PDE10A: variants seen among roughly 807,000 people sequenced by gnomAD.
PDE10A encodes cAMP and cAMP-inhibited cGMP 3',5'-cyclic phosphodiesterase 10A.
In PDE10A, 39 loss-of-function variants were observed where a neutral mutation model predicts 97.7. The observed-to-expected ratio is 0.40, with a 90% CI of 0.31 to 0.52. The LOEUF is 0.52. Among genes scored for constraint, PDE10A ranks in the 20% least tolerant of loss-of-function variants. The pLI is 0.56. For missense variants in PDE10A, 731 were observed against 1,047.8 expected (o/e 0.70, Z 4.17); for synonymous variants, 371 against 376.8 (o/e 0.98, Z 0.18).
At position 165,973,275 on chromosome 6, in the gene PDE10A, C is replaced by T. The variant is rs193110421; in HGVS notation, c.-615+14254G>A. Among the ~76,000 whole-genome samples, 219 of 152,060 alleles carry T rather than the reference C, an allele frequency of 1.4e-3. 1 individual carries two copies. The highest frequency in any genetic ancestry group is 4.9e-3 in the African/African-American group (205 of 41,462). On this transcript the variant is annotated intron_variant, in intron 1 of 19. Coordinates refer to the PDE10A transcript ENST00000366882. The stretch of plus-strand genomic sequence containing the variant: ...CTCTGATAAAAATGTAAAAATTAGC[C>T]AGGCATGGTGGCAGGTGCCCGTAAT...
chr6:165,470,879 C>T (rs569893976), intron 3 of PDE10A, among the ~76,000 whole-genome samples: 2 of 152,162 alleles, frequency 1.3e-5, no homozygotes, highest in Admixed American at 6.5e-5. Flanking sequence ...TATAAACATG[C>T]TGTCATTTAT....
rs143262169 is a variant in PDE10A, at chr6:165,711,089, G to A, written c.-614-167521C>T. Among the ~76,000 whole-genome samples the A allele has an allele frequency of 5.3e-5, 8 of 152,314 alleles. No homozygotes were observed. Among genetic ancestry groups the A allele is most frequent in the African/African-American group, 1.4e-4 (6 of 41,576 alleles). ...TCATCTGCGCCCGGGGGTCTGTCCC[G>A]CTCCTCAAAGCCAACAAAGCGGGTC... On this transcript the variant is annotated intron_variant, in intron 1 of 19. Coordinates refer to the PDE10A transcript ENST00000366882. The surrounding 1 kb of genome is among the most constrained non-coding windows in gnomAD (Gnocchi z 4.5).
At position 165,414,807 on chromosome 6, in the gene PDE10A, G is replaced by A. The variant is rs113778646; in HGVS notation, c.1890-1120C>T. ...ATATTCCCACCAACAATGTATGAGG[G>A]TACTCGTTTCTCCACATCCTGGCCA... is the stretch of plus-strand genomic sequence containing the variant. On this transcript the variant is annotated intron_variant, in intron 12 of 21. Transcript: ENST00000539869. Among the ~76,000 whole-genome samples, 367 of 152,282 alleles carry A rather than the reference G, an allele frequency of 2.4e-3. 1 individual carries two copies. The highest frequency in any genetic ancestry group is 8.6e-3 in the African/African-American group (356 of 41,554).
At chr6:165,549,624 G>T (rs1300295551) in intron 1 of PDE10A, among the ~76,000 whole-genome samples, 1 of 152,086 alleles carries the variant, frequency 6.6e-6, no homozygotes, top group Non-Finnish European at 1.5e-5. Context: ...ATGCGCGGCT[G>T]CATTATTATG....
intron 17 of PDE10A, among the ~76,000 whole-genome samples, chr6:165,381,811 A>G (rs1371899820): frequency 5.3e-5 from 8 of 151,888 alleles, no homozygotes; most frequent in Non-Finnish European, 1.0e-4. Context: ...AGAATCTAGC[A>G]TTTTGCTGCT....
chr6:165,656,325 G>C (rs2983530), intron 1 of PDE10A, among the ~76,000 whole-genome samples: 8 of 148,310 alleles, frequency 5.4e-5, no homozygotes, highest in Non-Finnish European at 8.9e-5. Context: ...TAAGGAGTCA[G>C]ATGTCTCCTG....
chr6:165,597,240 C>G (rs560288611), intron 1 of PDE10A, among the ~76,000 whole-genome samples: 1 of 152,250 alleles, frequency 6.6e-6, no homozygotes, highest in Admixed American at 6.5e-5. Flanking sequence ...ACACCCGATA[C>G]CTGTTACATA....
intron 1 of PDE10A, among the ~76,000 whole-genome samples, chr6:165,748,839 C>T (rs963912217): frequency 7.4e-5 from 11 of 148,830 alleles, no homozygotes; most frequent in African/African-American, 2.5e-4. Flanking sequence ...TGTGTGATTT[C>T]ACTCTCCTGT....
chr6:165,623,500 G>A (rs746477431), intron 1 of PDE10A, among the ~76,000 whole-genome samples: 5 of 121,628 alleles, frequency 4.1e-5, no homozygotes, highest in African/African-American at 6.6e-5. Flanking sequence ...CAGAGGGAGA[G>A]AGAGAGAGAA....
intron 1 of PDE10A, among the ~76,000 whole-genome samples, chr6:165,954,459 G>A (rs1729310991): frequency 6.6e-6 from 1 of 152,152 alleles, no homozygotes. Flanking sequence ...CTACCTACGG[G>A]TAAGAAGCCC....
intron 18 of PDE10A, among the ~76,000 whole-genome samples, chr6:165,351,967 C>T (rs1396094345): frequency 6.6e-6 from 1 of 152,100 alleles, no homozygotes; most frequent in African/African-American, 2.4e-5. Context: ...AATTCTCCTG[C>T]CTCAGCCTCC....
At chr6:165,971,610 A>G (rs139479241) in intron 1 of PDE10A, among the ~76,000 whole-genome samples, 1 of 152,310 alleles carries the variant, frequency 6.6e-6, no homozygotes, top group Non-Finnish European at 1.5e-5. Flanking sequence ...CCAATTAAGA[A>G]CCAAGTTTTA....
chr6:165,383,744 A>T (rs1785075123), intron 17 of PDE10A, among the ~76,000 whole-genome samples: 1 of 152,126 alleles, frequency 6.6e-6, no homozygotes, highest in South Asian at 2.1e-4. Flanking sequence ...ACAAACAGAA[A>T]ACTTCAATAC....
chr6:165,554,514 C>CT (rs1430347394), intron 1 of PDE10A, among the ~76,000 whole-genome samples: 1 of 152,090 alleles, frequency 6.6e-6, no homozygotes, highest in Non-Finnish European at 1.5e-5. Flanking sequence ...CAAGCAATAG[C>CT]AAATACTGGC....
chr6:165,449,096 T>C (rs1445979167), intron 4 of PDE10A, 119 bp from the exon 5 acceptor site: 6 of 722,198 alleles, frequency 8.3e-6, no homozygotes, highest in African/African-American at 1.7e-5. Flanking sequence ...ACAGAATCAA[T>C]GGTCATGCAG....
intron 1 of PDE10A, among the ~76,000 whole-genome samples, chr6:165,783,007 C>T (rs1458333675): frequency 6.6e-6 from 1 of 151,106 alleles, no homozygotes; most frequent in Admixed American, 6.6e-5. Context: ...CTCTCTGATG[C>T]TCTACATACA....
chr6:165,433,228 T>C, intron 6 of PDE10A, 99 bp from the exon 7 acceptor site: 1 of 826,598 alleles, frequency 1.2e-6, no homozygotes, highest in Non-Finnish European at 1.9e-6. Flanking sequence ...TTGTAATCAA[T>C]AATAAGCAGT....
intron 1 of PDE10A, among the ~76,000 whole-genome samples, chr6:165,817,835 G>T (rs968226555): frequency 1.3e-5 from 2 of 152,184 alleles, no homozygotes; most frequent in African/African-American, 2.4e-5. Flanking sequence ...ACAGGGATTT[G>T]GTGGCAAACA....
intron 1 of PDE10A, among the ~76,000 whole-genome samples, chr6:165,827,096 C>T (rs1464621461): frequency 6.6e-6 from 1 of 152,156 alleles, no homozygotes; most frequent in Admixed American, 6.5e-5. Flanking sequence ...AATGTCGGGG[C>T]CGACCCGGGA....
Sources: gnomAD v4.1 joint callset for allele counts (sites outside exome capture counted in the v4.1 genomes callset) on GRCh38, gnomAD v4.1.1 for gene constraint, Gnocchi (gnomAD v3.1) non-coding constraint, MANE v1.5 for transcripts, NCBI Gene and HGNC (gene_info 2026-07-23, HGNC 2026-07-21) for gene names.